The following PGM1 variants were observed in gnomAD, a reference collection of about 807,000 sequenced individuals.
PGM1 encodes phosphoglucomutase-1.
A neutral mutation model predicts 55.6 loss-of-function variants in PGM1; 52 were observed. The ratio of observed to expected loss-of-function variants is 0.94; its 90% CI spans 0.75 to 1.18. The LOEUF (loss-of-function observed/expected upper bound fraction) is 1.18. Ranked by LOEUF, PGM1 falls within the 50% of genes most tolerant of loss-of-function variation. The probability of loss-of-function intolerance (pLI) is 0.00; values close to 1 mark genes in which losing one functional copy is unlikely to be tolerated. For synonymous variants in PGM1, 287 were observed against 271.7 expected, an observed-to-expected ratio of 1.06 and a Z score of -0.55; for missense variants, 724 against 729.3, an observed-to-expected ratio of 0.99 and a Z score of 0.08.
At chr1:63,594,860 C>T (rs981207026) in intron 1 of PGM1, among the ~76,000 whole-genome samples, 1 of 145,540 alleles carries the variant, frequency 6.9e-6, no homozygotes. Context: ...ACTCGGGAGG[C>T]TGAGGCAGGA....
intron 10 of PGM1, 37 bp downstream of exon 10, chr1:63,654,503 G>T: frequency 1.9e-6 from 3 of 1,610,298 alleles, no homozygotes; most frequent in Non-Finnish European, 2.5e-6. Flanking sequence ...AGTTCTTTCT[G>T]TTCAAGGGAA....
At chr1:63,629,847 G>A (rs1649145505) in intron 2 of PGM1, 95 bp from the exon 3 acceptor site, 2 of 1,367,072 alleles carry the variant, frequency 1.5e-6, no homozygotes, top group Non-Finnish European at 2.1e-6. Flanking sequence ...TGAAATGGTA[G>A]ATGTGCTAGT....
At chr1:63,636,203 G>T in intron 5 of PGM1, 31 bp from the exon 6 acceptor site, 1 of 1,605,342 alleles carries the variant, frequency 6.2e-7, no homozygotes. Flanking sequence ...TTGATTAAAA[G>T]GTCTTTCTTT....
chr1:63,622,647 T>G (rs1471560017), intron 1 of PGM1, among the ~76,000 whole-genome samples: 1 of 152,202 alleles, frequency 6.6e-6, no homozygotes, highest in Non-Finnish European at 1.5e-5. Flanking sequence ...TCACGCCTGT[T>G]TTTTTGTATA....
At chr1:63,649,598 A>G (rs976784837) in intron 8 of PGM1, among the ~76,000 whole-genome samples, 2 of 152,362 alleles carry the variant, frequency 1.3e-5, no homozygotes, top group East Asian at 3.9e-4. Context: ...TAAAAAATAT[A>G]TCCCAGATTT....
intron 1 of PGM1, among the ~76,000 whole-genome samples, chr1:63,608,748 T>C (rs1274114839): frequency 1.3e-5 from 2 of 152,312 alleles, no homozygotes; most frequent in Admixed American, 6.5e-5. Context: ...CCCAGCTTCC[T>C]CTCTGGGCTG....
intron 7 of PGM1, among the ~76,000 whole-genome samples, chr1:63,641,543 T>C (rs1649518422): frequency 1.3e-5 from 2 of 152,220 alleles, no homozygotes; most frequent in Non-Finnish European, 2.9e-5. Flanking sequence ...AACATTTGAA[T>C]TCTATAGCTT....
Position 63,604,946 on chromosome 1 carries a change from TGTGTGTGTGTGTG to T in PGM1, c.246+11213_246+11225del, listed in dbSNP as rs1557703386. Among the ~76,000 whole-genome samples the T allele has an allele frequency of 9.3e-3, 1,370 of 146,700 alleles. 23 individuals are homozygous for T. The highest frequency in any genetic ancestry group is 0.033 in the African/African-American group (1,314 of 39,338). On this transcript the variant is annotated intron_variant, in intron 1 of 10. Transcript: ENST00000371084. ...GTGTGTGTGTGTGTGTGTGTGTGTG[TGTGTGTGTGTGTG>T]TAAAGAGAGGGGATATAGTTGTATA... is the stretch of plus-strand genomic sequence containing the variant.
intron 4 of PGM1, among the ~76,000 whole-genome samples, chr1:63,632,355 T>C (rs1446954674): frequency 6.6e-6 from 1 of 152,150 alleles, no homozygotes; most frequent in Non-Finnish European, 1.5e-5. Flanking sequence ...TGTAGGTATA[T>C]GAGAATCCCT....
rs1219730389 is a variant in PGM1 at position 63,647,917 on chromosome 1, C to G, written c.1145-600C>G. ...GATATATCAAATTCCACCTAATTAT[C>G]TCACTGACATTTTTATTGACTTATG... On this transcript the variant is annotated intron_variant, in intron 7 of 10. Coordinates refer to ENST00000371084, the MANE Select transcript of PGM1 (RefSeq NM_002633.3). Among the ~76,000 whole-genome samples the G allele has an allele frequency of 5.9e-5, 9 of 152,334 alleles. No individual in the cohort carries two copies. In the East Asian group the frequency reaches 1.7e-3, roughly 29 times the overall value.
intron 7 of PGM1, among the ~76,000 whole-genome samples, chr1:63,641,250 C>G (rs908955723): frequency 1.3e-5 from 2 of 152,202 alleles, no homozygotes; most frequent in South Asian, 4.1e-4. Context: ...AGAGAATGCT[C>G]TTCATTATCA....
At chr1:63,630,775 C>T (rs1649173359) in intron 3 of PGM1, among the ~76,000 whole-genome samples, 1 of 152,200 alleles carries the variant, frequency 6.6e-6, no homozygotes. Context: ...AGATGATTGG[C>T]AATGAACTTG....
chr1:63,632,124 C>T (rs1649213219), intron 4 of PGM1, among the ~76,000 whole-genome samples: 1 of 151,994 alleles, frequency 6.6e-6, no homozygotes, highest in African/African-American at 2.4e-5. Flanking sequence ...AGAGGACGGT[C>T]ATTTGGGAGA....
At chr1:63,621,276 C>T (rs964398086) in intron 1 of PGM1, among the ~76,000 whole-genome samples, 1 of 151,676 alleles carries the variant, frequency 6.6e-6, no homozygotes, top group African/African-American at 2.4e-5. Flanking sequence ...TGGGAGGCTG[C>T]CAGCAGAGAC....
At chr1:63,635,911 A>G (rs1056303551) in intron 5 of PGM1, among the ~76,000 whole-genome samples, 3 of 152,202 alleles carry the variant, frequency 2.0e-5, no homozygotes, top group Admixed American at 6.5e-5. Flanking sequence ...TGGGAAAAAG[A>G]TGATTGGTTC....
chr1:63,607,648 G>A (rs1648458611), intron 1 of PGM1, among the ~76,000 whole-genome samples: 1 of 152,206 alleles, frequency 6.6e-6, no homozygotes, highest in African/African-American at 2.4e-5. Flanking sequence ...TCATTTTCGT[G>A]AGGGTAAGCA....
intron 7 of PGM1, among the ~76,000 whole-genome samples, chr1:63,641,624 C>T (rs543176352): frequency 6.6e-6 from 1 of 152,300 alleles, no homozygotes; most frequent in African/African-American, 2.4e-5. Context: ...AAAAACGTTT[C>T]CTTGACCTTT....
chr1:63,628,818 C>T (rs1232889516), intron 1 of PGM1, among the ~76,000 whole-genome samples: 1 of 152,144 alleles, frequency 6.6e-6, no homozygotes, highest in Non-Finnish European at 1.5e-5. Context: ...GCATTCTTGT[C>T]TTAGGCCCAG....
intron 1 of PGM1, among the ~76,000 whole-genome samples, chr1:63,595,692 A>G (rs1648044639): frequency 6.6e-6 from 1 of 152,226 alleles, no homozygotes; most frequent in Non-Finnish European, 1.5e-5. Flanking sequence ...CCTGTTGAAT[A>G]CCATGTTCAG....
Sources: gnomAD v4.1 joint callset for allele counts (sites outside exome capture counted in the v4.1 genomes callset) on GRCh38, gnomAD v4.1.1 for gene constraint, MANE v1.5 for transcripts, NCBI Gene and HGNC (gene_info 2026-07-23, HGNC 2026-07-21) for gene names.